CD96: variants seen among roughly 807,000 people sequenced by gnomAD.
CD96 encodes the protein CD96 molecule.
In CD96, 70 loss-of-function variants were observed where a neutral mutation model predicts 71.3. The ratio of observed to expected loss-of-function variants is 0.98; its 90% CI spans 0.81 to 1.20. The LOEUF (loss-of-function observed/expected upper bound fraction) is 1.20. CD96 is among the 50% of genes most tolerant of loss of function. The pLI is 0.00. For synonymous variants in CD96, 248 were observed against 233.0 expected (o/e 1.06, Z -0.59); for missense variants, 742 against 677.5 (o/e 1.10, Z -1.06).
At chr3:111,620,812 C>T (rs1332514920) in intron 8 of CD96, among the ~76,000 whole-genome samples, 3 of 152,174 alleles carry the variant, frequency 2.0e-5, no homozygotes, top group African/African-American at 7.2e-5. Flanking sequence ...AGGATTAAGG[C>T]AGCATGCATC....
intron 14 of CD96, among the ~76,000 whole-genome samples, chr3:111,660,438 A>G (rs1383961732): frequency 1.3e-5 from 2 of 152,262 alleles, no homozygotes; most frequent in Non-Finnish European, 2.9e-5. Context: ...TGGCCATACT[A>G]GCCAGAGAAA....
intron 3 of CD96, chr3:111,570,916 A>G (rs1170565688): frequency 2.5e-6 from 4 of 1,583,770 alleles, no homozygotes; most frequent in Non-Finnish European, 3.5e-6. Context: ...TGCTCAGTGC[A>G]TGAGGCGCCA....
intron 9 of CD96, among the ~76,000 whole-genome samples, chr3:111,624,110 G>A (rs1009992118): frequency 6.6e-5 from 10 of 152,162 alleles, no homozygotes; most frequent in Admixed American, 1.3e-4. Flanking sequence ...ATCTGAGTTT[G>A]TGACAAGAAC....
At chr3:111,657,490 G>A (rs1213049592) in intron 14 of CD96, among the ~76,000 whole-genome samples, 4 of 151,774 alleles carry the variant, frequency 2.6e-5, no homozygotes, top group Admixed American at 6.6e-5. Context: ...CCCCAGTCTC[G>A]TGTAGGGTGG....
intron 8 of CD96, chr3:111,607,036 A>G: frequency 1.8e-6 from 1 of 545,462 alleles, no homozygotes; most frequent in Non-Finnish European, 3.3e-6. Flanking sequence ...ACTACAGCCA[A>G]TTTCAGAACA....
chr3:111,565,673 A>AT (rs1004162002), intron 2 of CD96, among the ~76,000 whole-genome samples: 1 of 151,742 alleles, frequency 6.6e-6, no homozygotes, highest in Non-Finnish European at 1.5e-5. Flanking sequence ...TAGCTAAGTG[A>AT]TTTTTTTTCT....
At chr3:111,549,544 T>C (rs1934591305) in intron 2 of CD96, among the ~76,000 whole-genome samples, 1 of 152,078 alleles carries the variant, frequency 6.6e-6, no homozygotes. Context: ...ATAGTGTGGA[T>C]CAGTTAGAAG....
intron 5 of CD96, among the ~76,000 whole-genome samples, chr3:111,596,880 G>A (rs1360770322): frequency 6.6e-6 from 1 of 152,190 alleles, no homozygotes; most frequent in Non-Finnish European, 1.5e-5. Context: ...GGGAGCTACG[G>A]TGTTTGCCAC....
At position 111,545,064 on chromosome 3, in the gene CD96, T is replaced by A; in HGVS notation, c.80T>A (p.Val27Asp). The A allele has an allele frequency of 6.2e-7, 1 of 1,614,056 alleles. No homozygotes were observed. Among genetic ancestry groups the A allele is most frequent in the Non-Finnish European group, 8.5e-7 (1 of 1,179,982 alleles). ...TTTTCAGGAGTTTGGGAAAAAACAG[T>A]CAACACAGAAGAAAATGTTTATGCT... ...HFVKGVWEKT[V>D]NTEENVYATL... Residue 27 changes from valine to aspartate, a missense_variant, in exon 2 of 14, where the codon GTC (valine) becomes GAC (aspartate). Transcript: ENST00000352690.
chr3:111,608,763 G>A (rs978454363), intron 8 of CD96, among the ~76,000 whole-genome samples: 1 of 152,152 alleles, frequency 6.6e-6, no homozygotes, highest in African/African-American at 2.4e-5. Context: ...ATAACTAACT[G>A]AATGAATGAA....
chr3:111,625,414 C>T (rs570801053), intron 10 of CD96, among the ~76,000 whole-genome samples: 126 of 151,940 alleles, frequency 8.3e-4, no homozygotes, highest in African/African-American at 2.7e-3. Context: ...ACCCAGTACC[C>T]AAATATAAGA....
chr3:111,554,518 T>G (rs1934886754), intron 2 of CD96, among the ~76,000 whole-genome samples: 1 of 152,142 alleles, frequency 6.6e-6, no homozygotes, highest in Admixed American at 6.6e-5. Flanking sequence ...TTTCTTTTTT[T>G]GCAACTTGCT....
chr3:111,594,964 G>A (rs748337686), intron 5 of CD96: 2 of 167,108 alleles, frequency 1.2e-5, no homozygotes, highest in Non-Finnish European at 2.9e-5. Flanking sequence ...GGAGGAGCTG[G>A]GATGCACAGA....
rs755709905 is a variant in CD96 at position 111,623,815 on chromosome 3, T to C, written c.1242T>C (p.Thr414=). The stretch of plus-strand genomic sequence containing the variant: ...TGAGTGCCTTGAGGCCAAACACCAC[T>C]CCTCAACGTGAGTTCAGCAAAGTTT... ...VDVSALRPNT[T]PQPSNSSMTT... Residue 414 remains threonine (T), a synonymous_variant, in exon 9 of 14, where the codon ACT becomes ACC. Coordinates refer to ENST00000352690, the MANE Select transcript of CD96 (RefSeq NM_005816.5). 3.1e-6 allele frequency: 5 copies of C among 1,606,884 alleles called. No homozygotes were observed. In the South Asian group the frequency reaches 4.4e-5, roughly 14 times the overall value.
intron 8 of CD96, among the ~76,000 whole-genome samples, chr3:111,613,717 C>T (rs17281318): frequency 0.031 from 4,683 of 152,166 alleles, 120 homozygotes; most frequent in Non-Finnish European, 0.046. Context: ...TGTGCTATGC[C>T]GATAGGTGCT....
intron 7 of CD96, among the ~76,000 whole-genome samples, chr3:111,602,159 C>T (rs1016716936): frequency 1.3e-5 from 2 of 152,158 alleles, no homozygotes; most frequent in African/African-American, 4.8e-5. Flanking sequence ...AGCTGATTCT[C>T]ACATAGATTT....
At chr3:111,587,635 G>C (rs114338138) in intron 5 of CD96, among the ~76,000 whole-genome samples, 8,211 of 152,276 alleles carry the variant, frequency 0.054, 299 homozygotes, top group South Asian at 0.099. Flanking sequence ...ACTGCCCTAG[G>C]TGGGGTTCTC....
chr3:111,581,488 T>C (rs1284103114), intron 4 of CD96, among the ~76,000 whole-genome samples: 1 of 152,224 alleles, frequency 6.6e-6, no homozygotes, highest in African/African-American at 2.4e-5. Context: ...ATATTTCTTC[T>C]TCCCAAACAA....
intron 5 of CD96, chr3:111,593,968 G>A (rs372457816): frequency 1.2e-6 from 2 of 1,614,132 alleles, no homozygotes; most frequent in South Asian, 2.2e-5. Flanking sequence ...CACACAGGCG[G>A]CAGGTGGCAT....
Sources: gnomAD v4.1 joint callset for allele counts (sites outside exome capture counted in the v4.1 genomes callset) on GRCh38, gnomAD v4.1.1 for gene constraint, MANE v1.5 for transcripts, NCBI Gene and HGNC (gene_info 2026-07-23, HGNC 2026-07-21) for gene names.